DAB1: variants seen among roughly 807,000 people sequenced by gnomAD.
DAB1 encodes DAB adaptor protein 1.
Under a neutral mutation model 64.6 loss-of-function variants are expected in DAB1, and 15 were observed. The ratio of observed to expected loss-of-function variants is 0.23; its 90% confidence interval spans 0.16 to 0.36. The LOEUF is 0.36. DAB1 is among the 10% of genes least tolerant of loss of function. The pLI, the probability that DAB1 is intolerant of heterozygous loss-of-function variation, is 1.00. For synonymous variants in DAB1, 235 were observed against 251.9 expected (o/e 0.93, Z 0.64); for missense variants, 596 against 706.7 (o/e 0.84, Z 1.78).
At chr1:58,527,402 G>A (rs552183275) in intron 1 of DAB1, 1 of 800,346 alleles carries the variant, frequency 1.2e-6, no homozygotes, top group Non-Finnish European at 2.2e-6. Flanking sequence ...GTAACACAGA[G>A]AGATTTTTAA....
intron 11 of DAB1, among the ~76,000 whole-genome samples, chr1:57,021,718 C>G (rs111512043): frequency 2.7e-4 from 41 of 152,260 alleles, no homozygotes; most frequent in South Asian, 2.3e-3. Flanking sequence ...AGGTCCTCAG[C>G]GTGTTTTTAA....
chr1:58,544,971 G>A (rs1353322191), intron 1 of DAB1, among the ~76,000 whole-genome samples: 1 of 152,080 alleles, frequency 6.6e-6, no homozygotes, highest in African/African-American at 2.4e-5. Context: ...TAACTCCTGG[G>A]CTCAACTGAT....
At position 57,555,960 on chromosome 1, in the gene DAB1, T is replaced by C. The variant is rs542585842; in HGVS notation, n.625+93632A>G. 2.0e-5 allele frequency among the ~76,000 whole-genome samples: 3 copies of C among 152,340 alleles called. No individual in the cohort carries two copies. In the East Asian group the frequency reaches 5.8e-4, roughly 29 times the overall value. ...AAGCTATTTGGTTTGTTCTACCTGCTACTTAACTATATATTTTGTGTCACA... is the reference window on the plus strand; with the variant it reads ...AAGCTATTTGGTTTGTTCTACCTGCCACTTAACTATATATTTTGTGTCACA... On this transcript the variant is annotated intron_variant and non_coding_transcript_variant, in intron 7 of 20. Coordinates refer to the DAB1 transcript ENST00000485760.
At chr1:57,606,153 G>A in intron 7 of DAB1, 2 of 250,562 alleles carry the variant, frequency 8.0e-6, no homozygotes, top group East Asian at 9.0e-5. Context: ...TGCAAATTTG[G>A]TGAATTGCCA....
chr1:57,255,206 G>A (rs981587050), intron 2 of DAB1, among the ~76,000 whole-genome samples: 1 of 152,184 alleles, frequency 6.6e-6, no homozygotes, highest in African/African-American at 2.4e-5. Context: ...TATGTCAGAA[G>A]CAGGCTCCAT....
At chr1:58,346,944 T>C (rs924481682) in intron 3 of DAB1, among the ~76,000 whole-genome samples, 5 of 152,218 alleles carry the variant, frequency 3.3e-5, no homozygotes, top group Non-Finnish European at 2.9e-5. Flanking sequence ...TATTAGCTGT[T>C]TGACTTTGGG....
intron 3 of DAB1, among the ~76,000 whole-genome samples, chr1:58,491,760 T>C (rs1253453385): frequency 6.6e-6 from 1 of 152,204 alleles, no homozygotes; most frequent in Non-Finnish European, 1.5e-5. Context: ...CCCAGATTCA[T>C]AAAGCAAGTC....
At chr1:58,308,743 C>T (rs1323473811) in intron 4 of DAB1, among the ~76,000 whole-genome samples, 1 of 152,148 alleles carries the variant, frequency 6.6e-6, no homozygotes, top group Non-Finnish European at 1.5e-5. Flanking sequence ...ACTTCGCTCT[C>T]CCTCTGTGCA....
At chr1:57,892,138 C>T (rs2101983753) in intron 5 of DAB1, among the ~76,000 whole-genome samples, 1 of 152,272 alleles carries the variant, frequency 6.6e-6, no homozygotes, top group Admixed American at 6.5e-5. Context: ...GCCTATAGCA[C>T]TATAGTAGAC....
rs765604863 is a variant in DAB1 at position 57,015,197 on chromosome 1, G to T, written c.1130C>A (p.Ala377Asp). 15 of 1,614,002 alleles carry T rather than the reference G, an allele frequency of 9.3e-6. No homozygotes were observed. In the South Asian group the frequency reaches 1.6e-4, roughly 18 times the overall value. The change falls in exon 12 of 15, where the codon GCT (alanine) becomes GAT (aspartate). Residue 377 changes from alanine to aspartate, a missense_variant. Transcript: ENST00000371236. ...MPTQTVMPLP[A>D]AMFQGPLTPL... ...GGTGAGGGGACCTTGGAACATGGCAGCTGGCAAAGGCATAACAGTTTGTGT... is the reference window on the plus strand; with the variant it reads ...GGTGAGGGGACCTTGGAACATGGCATCTGGCAAAGGCATAACAGTTTGTGT...
intron 2 of DAB1, among the ~76,000 whole-genome samples, chr1:57,198,690 C>CACACA (rs1553155120): frequency 7.1e-6 from 1 of 140,480 alleles, no homozygotes; most frequent in African/African-American, 2.6e-5. Flanking sequence ...CACACACACA[C>CACACA]CCATCAACTT....
upstream of DAB1, among the ~76,000 whole-genome samples, chr1:57,426,820 CACTT>C (rs1685302304): frequency 6.6e-6 from 1 of 151,526 alleles, no homozygotes; most frequent in Admixed American, 6.6e-5. Flanking sequence ...TGGTGGATAA[CACTT>C]GCTTCTTGAG....
intron 3 of DAB1, among the ~76,000 whole-genome samples, chr1:58,446,499 T>C (rs2100281218): frequency 6.6e-6 from 1 of 152,306 alleles, no homozygotes; most frequent in Middle Eastern, 3.4e-3. Context: ...TGCAGGGACC[T>C]TCCTATTTAC....
intron 1 of DAB1, among the ~76,000 whole-genome samples, chr1:57,327,417 G>A (rs1423174915): frequency 6.6e-6 from 1 of 152,094 alleles, no homozygotes; most frequent in Non-Finnish European, 1.5e-5. Context: ...TGCCTTTCAT[G>A]GAAGAGTTTG....
intron 5 of DAB1, among the ~76,000 whole-genome samples, chr1:58,004,139 A>G (rs1342847770): frequency 6.6e-6 from 1 of 152,226 alleles, no homozygotes; most frequent in Admixed American, 6.5e-5. Flanking sequence ...CTCACACTGC[A>G]GAGTGAGTCA....
intron 4 of DAB1, among the ~76,000 whole-genome samples, chr1:57,102,378 G>C (rs532389557): frequency 6.6e-6 from 1 of 152,116 alleles, no homozygotes; most frequent in East Asian, 1.9e-4. Context: ...CCATCCTGTG[G>C]TCATGTTTTA....
intron 4 of DAB1, among the ~76,000 whole-genome samples, chr1:58,250,391 C>G (rs1660754294): frequency 6.6e-6 from 1 of 152,238 alleles, no homozygotes; most frequent in African/African-American, 2.4e-5. Flanking sequence ...GCTGGGTATC[C>G]CGGAGAGGGG....
At chr1:58,462,109 GTTTCTTTT>G (rs1557770631) in intron 3 of DAB1, among the ~76,000 whole-genome samples, 3 of 133,926 alleles carry the variant, frequency 2.2e-5, no homozygotes, top group Non-Finnish European at 4.7e-5. Context: ...ATCTGAGAAG[GTTTCTTTT>G]TTTTTTTTTT....
intron 4 of DAB1, among the ~76,000 whole-genome samples, chr1:58,275,719 C>T (rs1661427862): frequency 6.6e-6 from 1 of 152,146 alleles, no homozygotes; most frequent in Non-Finnish European, 1.5e-5. Flanking sequence ...CCTATGTACT[C>T]TTTGTGGGAA....
Sources: allele counts gnomAD v4.1 joint callset (sites outside exome capture counted in the v4.1 genomes callset), GRCh38; gene constraint gnomAD v4.1.1; transcripts MANE v1.5; gene names NCBI Gene and HGNC (gene_info 2026-07-23, HGNC 2026-07-21).